The following ZMYM2 variants were observed in gnomAD, a reference collection of about 807,000 sequenced individuals.
The protein encoded by ZMYM2 is zinc finger MYM-type protein 2.
ZMYM2 carries 56 observed loss-of-function variants against 162.8 expected under a neutral mutation model. The ratio of observed to expected loss-of-function variants is 0.34; its 90% CI spans 0.28 to 0.43. The LOEUF is 0.43. ZMYM2 is among the 20% of genes least tolerant of loss of function. The pLI, the probability that ZMYM2 is intolerant of heterozygous loss-of-function variation, is 1.00. For missense variants in ZMYM2, 1,275 were observed against 1,621.8 expected (o/e 0.79, Z 3.67); for synonymous variants, 510 against 541.6 (o/e 0.94, Z 0.81).
At position 20,064,489 on chromosome 13, in the gene ZMYM2, C is replaced by G. The variant is rs769941637; in HGVS notation, c.3076C>G (p.Pro1026Ala). 6.2e-7 allele frequency: 1 copy of G among 1,600,758 alleles called. No individual in the cohort carries two copies. The highest frequency in any genetic ancestry group is 8.5e-7 in the Non-Finnish European group (1 of 1,173,574). ...TGATATGGAAAATGAATTTTTATTA[C>G]CACCTGTTTTTGGCGAAGAATATGA... ...ELDMENEFLL[P>A]PVFGEEYEEQ... The change falls in exon 19 of 25, where the codon CCA becomes GCA. Residue 1026 changes from proline (P) to alanine (A), a missense_variant. Around this residue, in one of 10 missense-constraint regions of ZMYM2, gnomAD observed 229 missense variants for 283.8 expected, o/e 0.81. Coordinates refer to ENST00000610343, the MANE Select transcript of ZMYM2 (RefSeq NM_197968.4).
the ZMYM2 span, among the ~76,000 whole-genome samples, chr13:19,868,435 T>C: frequency 6.6e-5 from 10 of 152,230 alleles, no homozygotes; most frequent in Non-Finnish European, 1.0e-4. Flanking sequence ...CTTTCTGTTA[T>C]AATGAGATGT....
the ZMYM2 span, among the ~76,000 whole-genome samples, chr13:19,894,647 A>G: frequency 3.9e-5 from 6 of 152,010 alleles, no homozygotes; most frequent in African/African-American, 1.5e-4. Flanking sequence ...CAGCCAAAGT[A>G]CTGGATATAT....
intron 2 of ZMYM2, among the ~76,000 whole-genome samples, chr13:19,986,955 A>G (rs1949196889): frequency 6.6e-6 from 1 of 151,674 alleles, no homozygotes; most frequent in African/African-American, 2.4e-5. Context: ...ATACAAAAAA[A>G]TTAGCCGGTC....
intron 18 of ZMYM2, 52 bp from the exon 19 acceptor site, chr13:20,064,399 A>G: frequency 1.3e-6 from 2 of 1,486,456 alleles, no homozygotes; most frequent in Admixed American, 4.1e-5. Flanking sequence ...GGCTGTGTTT[A>G]TGTAACCCTG....
chr13:19,983,661 C>A (rs1957565299), intron 2 of ZMYM2, among the ~76,000 whole-genome samples: 1 of 152,004 alleles, frequency 6.6e-6, no homozygotes, highest in African/African-American at 2.4e-5. Context: ...TAGAGTCTCG[C>A]TCTCTTGCCC....
chr13:20,022,682 A>C (rs771590210), intron 7 of ZMYM2, among the ~76,000 whole-genome samples: 2 of 152,242 alleles, frequency 1.3e-5, no homozygotes, highest in Non-Finnish European at 2.9e-5. Context: ...CTGCACAGAC[A>C]AATCTTGCAA....
At chr13:19,918,633 G>A in the ZMYM2 span, among the ~76,000 whole-genome samples, 1 of 150,626 alleles carries the variant, frequency 6.6e-6, no homozygotes, top group African/African-American at 2.4e-5. Context: ...TGAGTAGCTG[G>A]GATTACAGGC....
chr13:19,879,357 C>T, the ZMYM2 span, among the ~76,000 whole-genome samples: 5 of 152,132 alleles, frequency 3.3e-5, no homozygotes, highest in African/African-American at 1.2e-4. Flanking sequence ...GGGCAAATTG[C>T]TTGAACTCAG....
At chr13:20,045,374 A>G (rs542247245) in intron 12 of ZMYM2, among the ~76,000 whole-genome samples, 6 of 152,354 alleles carry the variant, frequency 3.9e-5, no homozygotes, top group African/African-American at 1.4e-4. Flanking sequence ...GATGTACTAA[A>G]AAAAGTTACT....
the ZMYM2 span, among the ~76,000 whole-genome samples, chr13:19,900,536 T>C: frequency 3.3e-5 from 5 of 152,108 alleles, no homozygotes; most frequent in African/African-American, 1.2e-4. Flanking sequence ...CAAATACCAA[T>C]ACTTGATAAA....
At chr13:19,981,299 A>G (rs2139491932) in intron 2 of ZMYM2, among the ~76,000 whole-genome samples, 2 of 135,998 alleles carry the variant, frequency 1.5e-5, no homozygotes, top group South Asian at 4.6e-4. Flanking sequence ...AAAAACAAAC[A>G]AACAAAAAAA....
rs996753797 is a variant in ZMYM2 at position 20,025,130 on chromosome 13, AGTT to A, written c.1585-1478_1585-1476del. The A allele has an allele frequency of 2.9e-5, 6 of 209,050 alleles. No homozygotes were observed. In the Admixed American group the frequency reaches 2.9e-4, roughly 10 times the overall value. The allele number at this position is 209,050 out of a possible 1,614,324, so 12.9% of individuals were successfully genotyped here. On this transcript the variant is annotated intron_variant, in intron 7 of 24. Transcript: ENST00000610343. Reference sequence around the variant, plus strand: ...TTTTTCCATGCAGTGTATTCATTTCAGTTGTTATTTTTGGCCTGATTGTTATCT... The same window carrying A: ...TTTTTCCATGCAGTGTATTCATTTCAGTTATTTTTGGCCTGATTGTTATCT...
At chr13:19,958,233 G>A (rs886838004), upstream of ZMYM2, among the ~76,000 whole-genome samples, 11 of 152,210 alleles carry the variant, frequency 7.2e-5, no homozygotes, top group African/African-American at 2.4e-4. Flanking sequence ...GGGCCTTCAA[G>A]CAACTGGACA....
chr13:19,997,390 C>T (rs760056617), intron 3 of ZMYM2, among the ~76,000 whole-genome samples: 7 of 152,208 alleles, frequency 4.6e-5, no homozygotes, highest in Middle Eastern at 3.4e-3. Context: ...ATGCCCCTAA[C>T]GATTTTTGGT....
At chr13:19,999,318 T>A (rs1257140576) in intron 3 of ZMYM2, among the ~76,000 whole-genome samples, 1 of 152,230 alleles carries the variant, frequency 6.6e-6, no homozygotes, top group Non-Finnish European at 1.5e-5. Flanking sequence ...TCCAACATCA[T>A]GTGGTCACTT....
chr13:19,898,482 C>G, the ZMYM2 span, among the ~76,000 whole-genome samples: 1 of 152,168 alleles, frequency 6.6e-6, no homozygotes, highest in Admixed American at 6.5e-5. Flanking sequence ...ATCCACCCAC[C>G]TCAGCCTCCC....
the ZMYM2 span, among the ~76,000 whole-genome samples, chr13:19,922,891 G>C: frequency 6.6e-6 from 1 of 151,820 alleles, no homozygotes; most frequent in East Asian, 1.9e-4. Context: ...GCGAGGTGGC[G>C]CATGCCTGTA....
At chr13:20,043,215 G>A (rs997024869) in intron 12 of ZMYM2, among the ~76,000 whole-genome samples, 4 of 152,176 alleles carry the variant, frequency 2.6e-5, no homozygotes, top group African/African-American at 7.2e-5. Context: ...TGGAGCGCAG[G>A]TATCCACTGT....
chr13:20,057,759 C>T (rs993854122), intron 14 of ZMYM2, among the ~76,000 whole-genome samples: 3 of 152,128 alleles, frequency 2.0e-5, no homozygotes, highest in African/African-American at 4.8e-5. Flanking sequence ...GAAAACATTG[C>T]GACCAGAGGC....
Sources: allele counts gnomAD v4.1 joint callset (sites outside exome capture counted in the v4.1 genomes callset), GRCh38; gene constraint gnomAD v4.1.1; regional missense constraint gnomAD v4.1.1; transcripts MANE v1.5; gene names NCBI Gene and HGNC (gene_info 2026-07-23, HGNC 2026-07-21).